TPST1: variants seen among roughly 807,000 people sequenced by gnomAD.
The protein encoded by TPST1 is protein-tyrosine sulfotransferase 1.
TPST1 carries 20 observed loss-of-function variants against 34.8 expected under a neutral mutation model. The observed-to-expected ratio is 0.57, with a 90% CI of 0.40 to 0.84. The LOEUF (loss-of-function observed/expected upper bound fraction) is 0.84. Among genes scored for constraint, TPST1 ranks in the 40% least tolerant of loss-of-function variants. The pLI, the probability that TPST1 is intolerant of heterozygous loss-of-function variation, is 0.00. For synonymous variants in TPST1, 152 were observed against 159.4 expected, an observed-to-expected ratio of 0.95 and a Z score of 0.35; for missense variants, 353 against 455.5, an observed-to-expected ratio of 0.78 and a Z score of 2.05.
chr7:66,283,176 G>A (rs964683560), intron 2 of TPST1, among the ~76,000 whole-genome samples: 10 of 152,100 alleles, frequency 6.6e-5, no homozygotes, highest in Admixed American at 3.3e-4. Flanking sequence ...CAGGAGAATC[G>A]CTTGAACCCA....
At position 66,340,436 on chromosome 7, in the gene TPST1, G is replaced by A. The variant is rs148501193; in HGVS notation, c.1045-12069G>A. Among the ~76,000 whole-genome samples the A allele has an allele frequency of 6.6e-3, 1,009 of 152,180 alleles. 5 individuals carry two copies. Among genetic ancestry groups the A allele is most frequent in the Non-Finnish European group, 0.01 (697 of 68,004 alleles). On this transcript the variant is annotated intron_variant, in intron 3 of 5. Transcript: ENST00000304842. The stretch of plus-strand genomic sequence containing the variant: ...AAATAAAGGGTACCCAAATTGGAAA[G>A]GAAGAAACCACATTATCTTTATTTG...
intron 3 of TPST1, among the ~76,000 whole-genome samples, chr7:66,322,283 C>T (rs571345201): frequency 1.2e-4 from 18 of 152,168 alleles, no homozygotes; most frequent in Non-Finnish European, 2.1e-4. Context: ...TAAAGATTTA[C>T]AACTGTACAT....
intron 1 of TPST1, among the ~76,000 whole-genome samples, chr7:66,226,837 C>A (rs373154634): frequency 6.6e-6 from 1 of 151,916 alleles, no homozygotes; most frequent in Non-Finnish European, 1.5e-5. Context: ...CATTTGAGTC[C>A]TTATGAAATC....
chr7:66,208,542 C>T (rs534534930), intron 1 of TPST1, among the ~76,000 whole-genome samples: 1 of 152,026 alleles, frequency 6.6e-6, no homozygotes, highest in Non-Finnish European at 1.5e-5. Context: ...CATCTTAGTT[C>T]GCTGCAACCT....
At chr7:66,303,087 C>T (rs558615116) in intron 3 of TPST1, among the ~76,000 whole-genome samples, 8 of 152,304 alleles carry the variant, frequency 5.3e-5, no homozygotes, top group African/African-American at 1.7e-4. Flanking sequence ...CACAGATCCT[C>T]CTGCTACAAT....
intron 3 of TPST1, among the ~76,000 whole-genome samples, chr7:66,314,346 G>C (rs1398493473): frequency 6.6e-6 from 1 of 152,106 alleles, no homozygotes; most frequent in African/African-American, 2.4e-5. Context: ...ACCAGCCTGG[G>C]CAACATAGGG....
intron 1 of TPST1, among the ~76,000 whole-genome samples, chr7:66,220,055 AAGG>A (rs1424679592): frequency 1.3e-5 from 2 of 152,220 alleles, no homozygotes; most frequent in Non-Finnish European, 2.9e-5. Flanking sequence ...AGGAAAAAAA[AAGG>A]AGGTGAACTC....
At chr7:66,244,576 A>T (rs1179644110) in intron 2 of TPST1, among the ~76,000 whole-genome samples, 1 of 152,198 alleles carries the variant, frequency 6.6e-6, no homozygotes, top group Non-Finnish European at 1.5e-5. Flanking sequence ...AGCAGAAGTA[A>T]AGTTTGAGGC....
chr7:66,207,731 T>C (rs529043946), intron 1 of TPST1, among the ~76,000 whole-genome samples: 2 of 152,360 alleles, frequency 1.3e-5, no homozygotes, highest in African/African-American at 4.8e-5. Flanking sequence ...CCTCAGGTTC[T>C]AATTTTCATC....
In TPST1 at chr7:66,240,488, G is replaced by A. The variant is rs1790006775; in HGVS notation, c.63G>A (p.Val21=). Residue 21 remains valine, a synonymous_variant, in exon 2 of 6, where the codon GTG becomes GTA. Transcript: ENST00000304842. ...GTCTGGTGATTAGTTCTGTGACTGT[G>A]TTTTACCTGGGCCAGCATGCCATGG... ...LACLVISSVT[V]FYLGQHAMEC... 3.1e-6 allele frequency: 5 copies of A among 1,614,172 alleles called. No individual in the cohort carries two copies. The highest frequency in any genetic ancestry group is 4.2e-6 in the Non-Finnish European group (5 of 1,180,032).
chr7:66,261,426 T>C (rs2115717234), intron 2 of TPST1, among the ~76,000 whole-genome samples: 1 of 152,280 alleles, frequency 6.6e-6, no homozygotes, highest in African/African-American at 2.4e-5. Context: ...ATGTACTAGT[T>C]TGCTTTATTT....
chr7:66,258,840 T>A (rs1790431190), intron 2 of TPST1, among the ~76,000 whole-genome samples: 1 of 152,272 alleles, frequency 6.6e-6, no homozygotes, highest in Non-Finnish European at 1.5e-5. Flanking sequence ...TGCTCACATT[T>A]GTGCATAGTG....
intron 2 of TPST1, among the ~76,000 whole-genome samples, chr7:66,275,774 A>G (rs1314419312): frequency 2.6e-5 from 4 of 152,210 alleles, no homozygotes; most frequent in Non-Finnish European, 5.9e-5. Flanking sequence ...TTTCATTTAG[A>G]CAGGAAAAAT....
At chr7:66,249,639 CT>C (rs1250619321) in intron 2 of TPST1, among the ~76,000 whole-genome samples, 1 of 152,206 alleles carries the variant, frequency 6.6e-6, no homozygotes, top group Non-Finnish European at 1.5e-5. Flanking sequence ...CCTGATTTCA[CT>C]TTGAGAACCA....
intron 2 of TPST1, among the ~76,000 whole-genome samples, chr7:66,242,550 A>G (rs898652135): frequency 2.0e-5 from 3 of 152,166 alleles, no homozygotes. Flanking sequence ...GGTTGTTTTT[A>G]TTGATTCAAA....
chr7:66,338,160 G>A (rs1487110595), intron 3 of TPST1, among the ~76,000 whole-genome samples: 2 of 151,782 alleles, frequency 1.3e-5, no homozygotes, highest in South Asian at 4.1e-4. Context: ...TTATGCAAAT[G>A]GAAACCAAAA....
upstream of TPST1, among the ~76,000 whole-genome samples, chr7:66,201,861 A>AG (rs1265225066): frequency 1.1e-5 from 1 of 88,872 alleles, no homozygotes; most frequent in Non-Finnish European, 2.4e-5. Flanking sequence ...TATTAAAATA[A>AG]GAAAAAAAAA....
intron 3 of TPST1, among the ~76,000 whole-genome samples, chr7:66,345,920 C>T (rs954843331): frequency 1.3e-5 from 2 of 151,830 alleles, no homozygotes; most frequent in Non-Finnish European, 2.9e-5. Context: ...AGATTTTATT[C>T]CTTCTATCTA....
chr7:66,258,099 C>T (rs1398263336), intron 2 of TPST1, among the ~76,000 whole-genome samples: 2 of 152,118 alleles, frequency 1.3e-5, no homozygotes, highest in Non-Finnish European at 2.9e-5. Context: ...TCATGAGTGA[C>T]ACTGACCTGT....
Sources: gnomAD v4.1 joint callset for allele counts (sites outside exome capture counted in the v4.1 genomes callset) on GRCh38, gnomAD v4.1.1 for gene constraint, MANE v1.5 for transcripts, NCBI Gene and HGNC (gene_info 2026-07-23, HGNC 2026-07-21) for gene names.